The following LRRIQ3 variants were observed in gnomAD, a reference collection of about 807,000 sequenced individuals.
The protein encoded by LRRIQ3 is leucine-rich repeat and IQ domain-containing protein 3.
Under a neutral mutation model 59.3 loss-of-function variants are expected in LRRIQ3, and 75 were observed. The observed-to-expected ratio is 1.26, with a 90% CI of 1.05 to 1.53. The LOEUF is 1.53. Ranked by LOEUF, LRRIQ3 falls within the 40% of genes most tolerant of loss-of-function variation. LRRIQ3 has a pLI of 0.00. For missense variants in LRRIQ3, 831 were observed against 710.0 expected, an observed-to-expected ratio of 1.17 and a Z score of -1.94; for synonymous variants, 250 against 231.3, an observed-to-expected ratio of 1.08 and a Z score of -0.73.
chr1:74,069,522 T>C (rs1481918041), intron 6 of LRRIQ3, among the ~76,000 whole-genome samples: 4 of 152,090 alleles, frequency 2.6e-5, no homozygotes, highest in African/African-American at 4.8e-5. Context: ...AAAATGAAGC[T>C]AGGAGAAATA....
At chr1:74,074,086 G>A (rs1646168807) in intron 6 of LRRIQ3, among the ~76,000 whole-genome samples, 1 of 152,062 alleles carries the variant, frequency 6.6e-6, no homozygotes, top group African/African-American at 2.4e-5. Flanking sequence ...ATTTCCTGAA[G>A]GAGGTACAAT....
At chr1:74,162,256 C>T (rs148244090) in intron 3 of LRRIQ3, among the ~76,000 whole-genome samples, 55 of 151,748 alleles carry the variant, frequency 3.6e-4, no homozygotes, top group African/African-American at 1.1e-3. Flanking sequence ...TAAAAAGAGA[C>T]GTGTACTAAT....
At position 74,026,759 on chromosome 1, in the gene LRRIQ3, C is replaced by A; in HGVS notation, c.*54G>T. On this transcript the variant is annotated 3_prime_UTR_variant, in exon 8 of 8. Transcript: ENST00000354431. ...AGAGTATTATTTCAAATTCCTTCAACTAAAAATAATGACTATAATTTAAGA... is the reference window on the plus strand; with the variant it reads ...AGAGTATTATTTCAAATTCCTTCAAATAAAAATAATGACTATAATTTAAGA... 7.0e-7 allele frequency: 1 copy of A among 1,435,776 alleles called. No homozygotes were observed. The highest frequency in any genetic ancestry group is 9.5e-7 in the Non-Finnish European group (1 of 1,053,328). 88.9% of individuals were successfully genotyped at this position (1,435,776 alleles called of 1,614,324 possible). A position where few individuals can be genotyped will look rare whatever the true frequency, so the allele number is the denominator to read the frequency against.
chr1:74,070,720 C>T (rs1655002944), intron 6 of LRRIQ3, among the ~76,000 whole-genome samples: 1 of 151,506 alleles, frequency 6.6e-6, no homozygotes, highest in Non-Finnish European at 1.5e-5. Flanking sequence ...GAAATCTAAG[C>T]ATAATAAAAT....
chr1:74,172,937 A>G (rs957980090), intron 3 of LRRIQ3, among the ~76,000 whole-genome samples: 3 of 151,950 alleles, frequency 2.0e-5, no homozygotes, highest in African/African-American at 7.3e-5. Context: ...CTTTCCCTTC[A>G]CCAATATGTG....
At chr1:74,149,521 T>C (rs1647790750) in intron 4 of LRRIQ3, among the ~76,000 whole-genome samples, 1 of 152,208 alleles carries the variant, frequency 6.6e-6, no homozygotes, top group African/African-American at 2.4e-5. Flanking sequence ...TTTAAATTCT[T>C]TACGTTGGTA....
At chr1:74,074,996 G>A (rs1646187239) in intron 5 of LRRIQ3, among the ~76,000 whole-genome samples, 1 of 152,028 alleles carries the variant, frequency 6.6e-6, no homozygotes, top group East Asian at 1.9e-4. Flanking sequence ...TACTAATATT[G>A]TACCTTGGCC....
intron 5 of LRRIQ3, among the ~76,000 whole-genome samples, chr1:74,086,404 C>A (rs1646327772): frequency 6.6e-6 from 1 of 152,110 alleles, no homozygotes. Context: ...TGCTTCATGA[C>A]AGTTGCTCAA....
At chr1:74,047,458 G>T (rs1654238948) in intron 6 of LRRIQ3, among the ~76,000 whole-genome samples, 1 of 152,084 alleles carries the variant, frequency 6.6e-6, no homozygotes. Flanking sequence ...GATGGGCTAG[G>T]GGACGGATAG....
intron 4 of LRRIQ3, among the ~76,000 whole-genome samples, chr1:74,132,424 AG>A (rs1228441584): frequency 2.0e-5 from 3 of 152,332 alleles, no homozygotes; most frequent in African/African-American, 7.2e-5. Context: ...CTAAGCCAAA[AG>A]AACAAAGCTG....
At chr1:74,030,558 A>G (rs1266688995) in intron 7 of LRRIQ3, among the ~76,000 whole-genome samples, 1 of 152,246 alleles carries the variant, frequency 6.6e-6, no homozygotes, top group Non-Finnish European at 1.5e-5. Flanking sequence ...GGCTAGCCAT[A>G]TGTAGAAAGC....
At chr1:74,040,614 A>G (rs956450726) in intron 7 of LRRIQ3, among the ~76,000 whole-genome samples, 1 of 152,210 alleles carries the variant, frequency 6.6e-6, no homozygotes, top group Non-Finnish European at 1.5e-5. Flanking sequence ...GTGCAATCAA[A>G]GTAGAGCTCA....
At position 74,186,305 on chromosome 1, in the gene LRRIQ3, A is replaced by G. The variant is rs867795942; in HGVS notation, c.1-2621T>C. On this transcript the variant is annotated intron_variant, in intron 1 of 7. Coordinates refer to ENST00000354431, the MANE Select transcript of LRRIQ3 (RefSeq NM_001105659.2). ...ATTTTAAACCTTCTGCATTAATGCT[A>G]TCTATATGCCATTTGAACATGCCAA... Among the ~76,000 whole-genome samples the G allele has an allele frequency of 2.6e-5, 4 of 152,146 alleles. No individual in the cohort carries two copies. The Middle Eastern group carries it at 0.01, about 388-fold the overall frequency.
intron 6 of LRRIQ3, among the ~76,000 whole-genome samples, chr1:74,072,826 T>A (rs994376838): frequency 3.3e-5 from 5 of 152,144 alleles, no homozygotes; most frequent in Admixed American, 6.6e-5. Context: ...ATATCCAAAA[T>A]TAACTTTGTG....
intron 6 of LRRIQ3, among the ~76,000 whole-genome samples, chr1:74,064,822 T>C (rs1027041219): frequency 7.9e-5 from 12 of 152,088 alleles, no homozygotes; most frequent in African/African-American, 2.9e-4. Context: ...TCCTTGCATG[T>C]AATGATTTGT....
At chr1:74,111,196 CT>C (rs1198984841) in intron 4 of LRRIQ3, among the ~76,000 whole-genome samples, 1 of 151,170 alleles carries the variant, frequency 6.6e-6, no homozygotes, top group Non-Finnish European at 1.5e-5. Flanking sequence ...AATATGTGCC[CT>C]GTGAAGAGAA....
chr1:74,052,515 T>C (rs976678435), intron 6 of LRRIQ3, among the ~76,000 whole-genome samples: 1 of 116,284 alleles, frequency 8.6e-6, no homozygotes, highest in African/African-American at 4.3e-5. Flanking sequence ...GTTCTTCTTA[T>C]ATCAGCTCTC....
chr1:74,041,278 A>G lies in LRRIQ3; in HGVS notation c.1653T>C (p.Ile551=), dbSNP rs1557589103. Residue 551 remains isoleucine (I), a synonymous_variant, in exon 7 of 8, where the codon ATT becomes ATC. Transcript: ENST00000354431. ...TTTCTGCTTTTAGTTTTTGCTTAACAATCAGGCTTTTCTCTTTTAGGACAG... is the reference window on the plus strand; with the variant it reads ...TTTCTGCTTTTAGTTTTTGCTTAACGATCAGGCTTTTCTCTTTTAGGACAG... ...NEAVLKEKSL[I]VKQKLKAEKY... The G allele has an allele frequency of 3.7e-6, 6 of 1,604,646 alleles. No individual in the cohort carries two copies. Among genetic ancestry groups the G allele is most frequent in the East Asian group, 2.2e-5 (1 of 44,772 alleles).
At chr1:74,132,856 T>G (rs1462485788) in intron 4 of LRRIQ3, among the ~76,000 whole-genome samples, 1 of 151,964 alleles carries the variant, frequency 6.6e-6, no homozygotes, top group Non-Finnish European at 1.5e-5. Flanking sequence ...AAGCCAAAAT[T>G]GACAAATGGG....
Sources: gnomAD v4.1 joint callset for allele counts (sites outside exome capture counted in the v4.1 genomes callset) on GRCh38, gnomAD v4.1.1 for gene constraint, MANE v1.5 for transcripts, NCBI Gene and HGNC (gene_info 2026-07-23, HGNC 2026-07-21) for gene names.